Variants in CSMD1 observed in about 807,000 individuals in gnomAD.
CSMD1 encodes CUB and sushi domain-containing protein 1.
CSMD1 carries 213 observed loss-of-function variants against 417.5 expected under a neutral mutation model. That is an observed-to-expected ratio of 0.51 (90% confidence interval 0.46 to 0.57). The LOEUF (loss-of-function observed/expected upper bound fraction) is 0.57, where lower values mean the gene tolerates loss of function less well. CSMD1 is among the 20% of genes least tolerant of loss of function. The probability of loss-of-function intolerance (pLI) is 0.00; values close to 1 mark genes in which losing one functional copy is unlikely to be tolerated. For missense variants in CSMD1, 6,923 were observed against 4,529.7 expected, an observed-to-expected ratio of 1.53 and a Z score of -15.17; for synonymous variants, 2,862 against 1,736.8, an observed-to-expected ratio of 1.65 and a Z score of -16.11.
intron 12 of CSMD1, among the ~76,000 whole-genome samples, chr8:3,437,053 C>G (rs571871799): frequency 1.3e-5 from 2 of 152,296 alleles, no homozygotes; most frequent in South Asian, 4.2e-4. Context: ...TAATTCTTAT[C>G]TCTGGCTATG....
At chr8:4,553,585 G>C (rs185280299) in intron 2 of CSMD1, among the ~76,000 whole-genome samples, 58 of 151,898 alleles carry the variant, frequency 3.8e-4, no homozygotes, top group Admixed American at 3.7e-3. Flanking sequence ...TTCTAAATTA[G>C]ATTATTTTTG....
chr8:4,034,145 C>G (rs1437855674), intron 3 of CSMD1, among the ~76,000 whole-genome samples: 1 of 152,014 alleles, frequency 6.6e-6, no homozygotes, highest in Non-Finnish European at 1.5e-5. Context: ...AGTTTTTAAA[C>G]TGAGTAACAT....
In CSMD1 at chr8:4,072,101, T is replaced by C. The variant is rs115212623; in HGVS notation, c.416-40002A>G. Among the ~76,000 whole-genome samples, 810 of 152,326 alleles carry C rather than the reference T, an allele frequency of 5.3e-3. 7 individuals are homozygous for C. The highest frequency in any genetic ancestry group is 0.019 in the African/African-American group (772 of 41,576). On this transcript the variant is annotated intron_variant, in intron 3 of 69. Transcript: ENST00000635120. ...CATGCTTGACCTGAAAATCAAAAAA[T>C]GGATGATTCGCTATAGGCTGTTCAA...
intron 25 of CSMD1, among the ~76,000 whole-genome samples, chr8:3,305,327 T>TG (rs1280422242): frequency 2.6e-5 from 4 of 152,216 alleles, no homozygotes; most frequent in Non-Finnish European, 4.4e-5. Flanking sequence ...AATTTTAAAA[T>TG]GAGTTATTAT....
At chr8:3,314,950 T>G (rs565479512) in intron 23 of CSMD1, among the ~76,000 whole-genome samples, 3 of 152,240 alleles carry the variant, frequency 2.0e-5, no homozygotes, top group Admixed American at 6.5e-5. Flanking sequence ...CTTGAGAAAG[T>G]AGTTTCATGC....
chr8:4,957,933 C>G (rs1005567803), intron 1 of CSMD1, among the ~76,000 whole-genome samples: 1 of 152,174 alleles, frequency 6.6e-6, no homozygotes, highest in Non-Finnish European at 1.5e-5. Context: ...TAGTCATTTA[C>G]TTGAAGTACT....
chr8:4,528,073 G>C (rs1029951456), intron 2 of CSMD1, among the ~76,000 whole-genome samples: 15 of 152,158 alleles, frequency 9.9e-5, no homozygotes, highest in African/African-American at 3.6e-4. Flanking sequence ...ACCACATTCA[G>C]CAGCATATGC....
At chr8:4,399,574 C>T (rs1465830668) in intron 3 of CSMD1, among the ~76,000 whole-genome samples, 1 of 151,932 alleles carries the variant, frequency 6.6e-6, no homozygotes, top group East Asian at 1.9e-4. Flanking sequence ...CCTTTTTTGT[C>T]TTTATACCAC....
chr8:3,815,315 C>G (rs1403468971), intron 5 of CSMD1, among the ~76,000 whole-genome samples: 1 of 152,052 alleles, frequency 6.6e-6, no homozygotes, highest in Non-Finnish European at 1.5e-5. Context: ...AGTATTAGTT[C>G]ACTTCTGAAC....
At chr8:3,265,758 C>G (rs1463180879) in intron 26 of CSMD1, among the ~76,000 whole-genome samples, 1 of 152,086 alleles carries the variant, frequency 6.6e-6, no homozygotes, top group African/African-American at 2.4e-5. Context: ...GCCAGCATGG[C>G]CTTTCTTCAG....
chr8:3,314,897 G>A (rs563524001), intron 23 of CSMD1, among the ~76,000 whole-genome samples: 12 of 152,218 alleles, frequency 7.9e-5, no homozygotes, highest in Non-Finnish European at 1.8e-4. Context: ...TGAACAACGA[G>A]CTCACAGTAA....
chr8:4,200,047 A>C (rs1208838937), intron 3 of CSMD1, among the ~76,000 whole-genome samples: 1 of 152,206 alleles, frequency 6.6e-6, no homozygotes, highest in Non-Finnish European at 1.5e-5. Context: ...TAAAATCCTG[A>C]ATGATTAGCT....
chr8:4,114,170 G>A (rs1009534345), intron 3 of CSMD1, among the ~76,000 whole-genome samples: 1 of 152,164 alleles, frequency 6.6e-6, no homozygotes, highest in Non-Finnish European at 1.5e-5. Context: ...TCAAAGGACA[G>A]CCTGACTCCT....
At chr8:4,761,982 G>T (rs1316004237) in intron 1 of CSMD1, among the ~76,000 whole-genome samples, 2 of 149,718 alleles carry the variant, frequency 1.3e-5, no homozygotes, top group South Asian at 2.1e-4. Context: ...CAGTGGAAAA[G>T]CAACCAAAAT....
At chr8:3,712,197 C>T (rs1801552148) in intron 6 of CSMD1, among the ~76,000 whole-genome samples, 2 of 152,112 alleles carry the variant, frequency 1.3e-5, no homozygotes, top group African/African-American at 4.8e-5. Flanking sequence ...CTAATCTTGG[C>T]AACGTTGTAC....
intron 3 of CSMD1, among the ~76,000 whole-genome samples, chr8:4,080,316 G>A (rs895393020): frequency 6.6e-6 from 1 of 152,108 alleles, no homozygotes; most frequent in African/African-American, 2.4e-5. Flanking sequence ...AGTAAGGCAC[G>A]ATCTTACCCG....
intron 2 of CSMD1, among the ~76,000 whole-genome samples, chr8:4,441,519 A>T (rs1486442605): frequency 6.6e-6 from 1 of 152,020 alleles, no homozygotes; most frequent in Non-Finnish European, 1.5e-5. Flanking sequence ...ATTATAAATA[A>T]CTTTCAATTT....
intron 1 of CSMD1, among the ~76,000 whole-genome samples, chr8:4,899,560 T>C (rs1804728324): frequency 1.3e-5 from 2 of 152,208 alleles, no homozygotes; most frequent in African/African-American, 2.4e-5. Flanking sequence ...TTTCTTGTCA[T>C]GGTGATCTGG....
chr8:4,005,976 T>C lies in CSMD1; in HGVS notation c.611-7866A>G, dbSNP rs936841021. The stretch of plus-strand genomic sequence containing the variant: ...TTCATTCAATACATACGAAAACTAA[T>C]TCTCTACTAGAATGAGCAGAGAAGG... On this transcript the variant is annotated intron_variant, in intron 4 of 69. Coordinates refer to ENST00000635120, the MANE Select transcript of CSMD1 (RefSeq NM_033225.6). Among the ~76,000 whole-genome samples, 7 of 152,256 alleles carry C rather than the reference T, an allele frequency of 4.6e-5. No homozygotes were observed. In the East Asian group the frequency reaches 9.7e-4, roughly 21 times the overall value.
Sources: allele counts gnomAD v4.1 joint callset (sites outside exome capture counted in the v4.1 genomes callset), GRCh38; gene constraint gnomAD v4.1.1; transcripts MANE v1.5; gene names NCBI Gene and HGNC (gene_info 2026-07-23, HGNC 2026-07-21).